KANSL1: variants seen among roughly 807,000 people sequenced by gnomAD.
KANSL1 encodes KAT8 regulatory NSL complex subunit 1, also known as MLL1/MLL complex subunit KANSL1.
Under a neutral mutation model 103.6 loss-of-function variants are expected in KANSL1, and 22 were observed. The observed-to-expected ratio is 0.21, with a 90% CI of 0.15 to 0.30. The LOEUF is 0.30. Among genes scored for constraint, KANSL1 ranks in the 10% least tolerant of loss-of-function variants. The probability of loss-of-function intolerance (pLI) is 1.00; values close to 1 mark genes in which losing one functional copy is unlikely to be tolerated. For synonymous variants in KANSL1, 600 were observed against 527.6 expected, an observed-to-expected ratio of 1.14 and a Z score of -1.88; for missense variants, 1,337 against 1,399.8, an observed-to-expected ratio of 0.96 and a Z score of 0.72.
Position 46,101,754 on chromosome 17 carries a change from CAAAAAAAA to C in KANSL1, c.1290-7061_1290-7054del, listed in dbSNP as rs372439614. On this transcript the variant is annotated intron_variant, in intron 2 of 14. Coordinates refer to ENST00000432791, the MANE Select transcript of KANSL1 (RefSeq NM_015443.4). ...GGGGGACAGAGCAAGACTCTGTCTACAAAAAAAAAAAAAAAAAAAAAAAAAGAAATAAC... is the reference window on the plus strand; with the variant it reads ...GGGGGACAGAGCAAGACTCTGTCTACAAAAAAAAAAAAAAAAAGAAATAAC... Among the ~76,000 whole-genome samples the C allele has an allele frequency of 4.2e-3, 389 of 93,668 alleles. 1 individual carries two copies. Among genetic ancestry groups the C allele is most frequent in the Non-Finnish European group, 5.4e-3 (294 of 54,272 alleles). 61.4% of individuals were successfully genotyped at this position (93,668 alleles called of 152,430 possible).
At chr17:46,153,389 T>C (rs952193232) in intron 2 of KANSL1, among the ~76,000 whole-genome samples, 17 of 152,276 alleles carry the variant, frequency 1.1e-4, no homozygotes, top group Non-Finnish European at 2.2e-4. Flanking sequence ...TTAGTAACTT[T>C]ATCTTTTATC....
chr17:46,165,522 T>TTA (rs1284439673), intron 2 of KANSL1, among the ~76,000 whole-genome samples: 1 of 149,368 alleles, frequency 6.7e-6, no homozygotes. Context: ...ATTTTTATTT[T>TTA]TTTTTTGAGA....
At chr17:46,182,805 T>C (rs1033081529) in intron 1 of KANSL1, among the ~76,000 whole-genome samples, 2 of 152,242 alleles carry the variant, frequency 1.3e-5, no homozygotes, top group Admixed American at 6.5e-5. Flanking sequence ...GGATCCATAA[T>C]GCTAAAGCCG....
chr17:46,137,942 C>T (rs2044235644), intron 2 of KANSL1, among the ~76,000 whole-genome samples: 1 of 152,028 alleles, frequency 6.6e-6, no homozygotes, highest in Non-Finnish European at 1.5e-5. Flanking sequence ...GAAAAGGTGT[C>T]TGCACTATGT....
At chr17:46,087,631 A>G (rs1028132553) in intron 3 of KANSL1, among the ~76,000 whole-genome samples, 23 of 152,352 alleles carry the variant, frequency 1.5e-4, no homozygotes, top group Non-Finnish European at 2.6e-4. Context: ...AGAGCAGAAA[A>G]GAGCCTAACT....
intron 14 of KANSL1, 126 bp downstream of exon 14, chr17:46,031,921 T>C: frequency 7.3e-7 from 1 of 1,360,646 alleles, no homozygotes; most frequent in Non-Finnish European, 1.0e-6. Context: ...GGAGATCAAT[T>C]TAAGTGCAGC....
At position 46,030,711 on chromosome 17, in the gene KANSL1, T is replaced by C. The variant is rs2146291975; in HGVS notation, c.*765A>G. 1 of 151,678 alleles carries C rather than the reference T, an allele frequency of 6.6e-6. No homozygotes were observed. Among genetic ancestry groups the C allele is most frequent in the South Asian group, 2.1e-4 (1 of 4,770 alleles). 9.4% of individuals were successfully genotyped at this position (151,678 alleles called of 1,614,324 possible). A position where few individuals can be genotyped will look rare whatever the true frequency, so the allele number is the denominator to read the frequency against. On this transcript the variant is annotated 3_prime_UTR_variant, in exon 15 of 15. Transcript: ENST00000432791. ...TACCTTCAAAGATCAGGATAGGTGG[T>C]AAAAATATTCCAAGTGGAAGGACGG...
chr17:46,066,784 A>G, intron 5 of KANSL1, 52 bp from the exon 6 acceptor site: 1 of 1,326,864 alleles, frequency 7.5e-7, no homozygotes, highest in Non-Finnish European at 1.0e-6. Context: ...AAACAAAATA[A>G]ATAAACAACA....
chr17:46,140,839 T>C (rs1043486935), intron 2 of KANSL1, among the ~76,000 whole-genome samples: 39 of 152,174 alleles, frequency 2.6e-4, no homozygotes, highest in African/African-American at 9.2e-4. Flanking sequence ...CACTTCACAT[T>C]GACTAGCATG....
intron 1 of KANSL1, among the ~76,000 whole-genome samples, chr17:46,181,432 A>AG (rs2046785867): frequency 1.0e-4 from 15 of 146,064 alleles, no homozygotes; most frequent in African/African-American, 3.3e-4. Flanking sequence ...AGTTCCTCAC[A>AG]CTTTTTTTTT....
At chr17:46,059,778 G>A (rs919125041) in intron 6 of KANSL1, among the ~76,000 whole-genome samples, 1 of 152,000 alleles carries the variant, frequency 6.6e-6, no homozygotes, top group Non-Finnish European at 1.5e-5. Context: ...GCAGTAGCTT[G>A]ATCTTGACTC....
At chr17:46,178,996 G>C (rs1418531173) in intron 1 of KANSL1, among the ~76,000 whole-genome samples, 1 of 152,182 alleles carries the variant, frequency 6.6e-6, no homozygotes, top group Non-Finnish European at 1.5e-5. Context: ...TTCTAGGATA[G>C]AGTTTCTCAA....
Position 46,173,802 on chromosome 17 carries a change from T to A in KANSL1, c.-89-1570A>T, listed in dbSNP as rs932335170. ...GATGTCCTTGATGAACAGCAAAAAT[T>A]ATGAATTATCTTGAGCCTTTAGTGC... is the stretch of plus-strand genomic sequence containing the variant. On this transcript the variant is annotated intron_variant, in intron 1 of 14. Transcript: ENST00000432791. 3.7e-4 allele frequency among the ~76,000 whole-genome samples: 57 copies of A among 152,208 alleles called. 1 individual carries two copies. The highest frequency in any genetic ancestry group is 1.3e-3 in the African/African-American group (55 of 41,448).
Position 46,171,627 on chromosome 17 carries a change from A to T in KANSL1, c.517T>A (p.Ser173Thr), listed in dbSNP as rs1041993236. 5 of 1,571,426 alleles carry T rather than the reference A, an allele frequency of 3.2e-6. No homozygotes were observed. In the African/African-American group the frequency reaches 6.9e-5, roughly 22 times the overall value. The change falls in exon 2 of 15, where the codon TCC becomes ACC. Residue 173 changes from serine (S) to threonine (T), a missense_variant. This residue lies in a region of KANSL1 where 557 missense variants were observed against 476.4 expected (regional missense o/e 1.17). Coordinates refer to ENST00000432791, the MANE Select transcript of KANSL1 (RefSeq NM_015443.4). ...CGTTTTCCCCCATTGAGGGAAGTGG[A>T]ATTGTCATGATCAGAATGTGTTGAA... is the stretch of plus-strand genomic sequence containing the variant. Reference protein sequence around the residue: ...KSSTHSDHDNSTSLNGGKRAL... With the variant: ...KSSTHSDHDNTTSLNGGKRAL...
intron 1 of KANSL1, chr17:46,222,800 C>T (rs1053741217): frequency 6.6e-6 from 1 of 152,290 alleles, no homozygotes; most frequent in African/African-American, 2.4e-5. Flanking sequence ...TCCAAGACTC[C>T]TTATCCTTCT....
At chr17:46,103,047 G>A (rs988952354) in intron 2 of KANSL1, among the ~76,000 whole-genome samples, 6 of 152,180 alleles carry the variant, frequency 3.9e-5, no homozygotes, top group African/African-American at 1.2e-4. Context: ...ACAAAGAAAC[G>A]ACATGTATAC....
At chr17:46,117,568 G>C (rs2043098984) in intron 2 of KANSL1, among the ~76,000 whole-genome samples, 2 of 152,200 alleles carry the variant, frequency 1.3e-5, no homozygotes, top group African/African-American at 4.8e-5. Flanking sequence ...GTTCACAGCA[G>C]TAACCATGTG....
At chr17:46,081,738 C>G in intron 4 of KANSL1, among the ~76,000 whole-genome samples, 1 of 152,230 alleles carries the variant, frequency 6.6e-6, no homozygotes, top group East Asian at 1.9e-4. Context: ...TCACTTCACA[C>G]TAGCTTTATT....
In KANSL1 at chr17:46,170,941, A is replaced by G; in HGVS notation, c.1203T>C (p.Asp401=). Residue 401 remains aspartate, a synonymous_variant, in exon 2 of 15, where the codon GAT becomes GAC. Coordinates refer to ENST00000432791, the MANE Select transcript of KANSL1 (RefSeq NM_015443.4). ...LRCSEQAFDS[D]VTDSSSGGES... is the part of the protein sequence containing the mutation. ...CCCCTCCTGAACTACTGTCAGTGAC[A>G]TCTGAATCAAATGCCTGTTCACTGC... The G allele has an allele frequency of 6.2e-7, 1 of 1,614,186 alleles. No homozygotes were observed. The highest frequency in any genetic ancestry group is 8.5e-7 in the Non-Finnish European group (1 of 1,180,048).
Sources: gnomAD v4.1 joint callset for allele counts (sites outside exome capture counted in the v4.1 genomes callset) on GRCh38, gnomAD v4.1.1 for gene constraint, gnomAD v4.1.1 regional missense constraint, MANE v1.5 for transcripts, NCBI Gene and HGNC (gene_info 2026-07-23, HGNC 2026-07-21) for gene names.